The following LRIT3 variants were observed in gnomAD, a reference collection of about 807,000 sequenced individuals.
LRIT3 encodes leucine rich repeat, Ig-like and transmembrane domains 3, also known as leucine-rich repeat, immunoglobulin-like domain and transmembrane domain-containing protein 3.
In LRIT3, 14 loss-of-function variants were observed where a neutral mutation model predicts 22.6. The ratio of observed to expected loss-of-function variants is 0.62; its 90% confidence interval spans 0.41 to 0.97. The LOEUF is 0.97. Among genes scored for constraint, LRIT3 ranks in the 50% least tolerant of loss-of-function variants. The pLI is 0.00. For missense variants in LRIT3, 783 were observed against 803.0 expected, an observed-to-expected ratio of 0.98 and a Z score of 0.30; for synonymous variants, 306 against 304.5, an observed-to-expected ratio of 1.01 and a Z score of -0.05.
At chr4:109,850,469 T>TTTTTTCTTTCTTTCTTTCTA (rs1734217886) in intron 1 of LRIT3, among the ~76,000 whole-genome samples, 1 of 138,058 alleles carries the variant, frequency 7.2e-6, no homozygotes, top group Non-Finnish European at 1.5e-5. Flanking sequence ...CTTTCTTTCT[T>TTTTTTCTTTCTTTCTTTCTA]TCTTTCTTTC....
intron 2 of LRIT3, among the ~76,000 whole-genome samples, chr4:109,866,684 G>A (rs1324612103): frequency 6.6e-6 from 1 of 152,090 alleles, no homozygotes; most frequent in Non-Finnish European, 1.5e-5. Context: ...TGGACCACAG[G>A]TGACAGTGCT....
intron 3 of LRIT3, among the ~76,000 whole-genome samples, chr4:109,869,257 T>A (rs1734760420): frequency 6.6e-6 from 1 of 152,176 alleles, no homozygotes; most frequent in African/African-American, 2.4e-5. Context: ...TGACTTAAAA[T>A]TGAAAGGGAC....
intron 2 of LRIT3, chr4:109,865,344 C>G: frequency 1.3e-6 from 2 of 1,553,550 alleles, no homozygotes; most frequent in South Asian, 1.1e-5. Context: ...CTTCACATAT[C>G]AGGTCAACTA....
intron 2 of LRIT3, chr4:109,865,176 T>C (rs1734645904): frequency 2.7e-6 from 4 of 1,468,302 alleles, no homozygotes; most frequent in Non-Finnish European, 3.7e-6. Context: ...AACTCTCCCA[T>C]TTTGCCGATG....
chr4:109,856,477 C>A (rs1734405111), intron 2 of LRIT3, among the ~76,000 whole-genome samples: 1 of 152,074 alleles, frequency 6.6e-6, no homozygotes, highest in Admixed American at 6.6e-5. Flanking sequence ...ATTAGATAAC[C>A]CCTCAGAGAT....
chr4:109,859,574 G>T (rs1262562873), intron 2 of LRIT3, among the ~76,000 whole-genome samples: 2 of 152,156 alleles, frequency 1.3e-5, no homozygotes, highest in South Asian at 4.1e-4. Flanking sequence ...TCAGAAGGAA[G>T]TATGCCCTAA....
At chr4:109,855,123 A>G (rs1734370238) in intron 2 of LRIT3, among the ~76,000 whole-genome samples, 1 of 149,122 alleles carries the variant, frequency 6.7e-6, no homozygotes, top group African/African-American at 2.4e-5. Flanking sequence ...CTTTCTTTGT[A>G]CCTCTGGTAC....
intron 2 of LRIT3, among the ~76,000 whole-genome samples, chr4:109,853,291 T>C (rs144998365): frequency 3.3e-5 from 5 of 152,266 alleles, no homozygotes; most frequent in African/African-American, 1.2e-4. Flanking sequence ...GGCATGAGAT[T>C]ACATCTCATT....
Position 109,869,905 on chromosome 4 carries a change from C to A in LRIT3, c.1156C>A (p.Leu386Ile). Residue 386 changes from leucine (L) to isoleucine (I), a missense_variant, in exon 4 of 4, where the codon CTT (leucine) becomes ATT (isoleucine). Physicochemically the swap from Leu to Ile is conservative, Grantham distance 5. Around this residue, in one of 2 missense-constraint regions of LRIT3, gnomAD observed 756 missense variants for 753.8 expected, o/e 1.00. Transcript: ENST00000594814. ...STSVSSASSY[L>I]WSSSFSPTSS... is the part of the protein sequence containing the mutation. ...ATCTGTATCTAGCGCATCATCATAT[C>A]TTTGGTCCTCTTCCTTCTCCCCCAC... 6.2e-7 allele frequency: 1 copy of A among 1,614,110 alleles called. No homozygotes were observed. The highest frequency in any genetic ancestry group is 8.5e-7 in the Non-Finnish European group (1 of 1,180,008).
chr4:109,852,572 T>C (rs1734299575), intron 2 of LRIT3, among the ~76,000 whole-genome samples: 1 of 152,220 alleles, frequency 6.6e-6, no homozygotes, highest in African/African-American at 2.4e-5. Flanking sequence ...TGGTCTTGTT[T>C]AGGTTCTATG....
intron 2 of LRIT3, among the ~76,000 whole-genome samples, chr4:109,857,321 CAG>C (rs1491535054): frequency 1.3e-5 from 2 of 149,482 alleles, no homozygotes; most frequent in Non-Finnish European, 3.0e-5. Context: ...ACATTAGCAA[CAG>C]GGGGGTATAA....
At chr4:109,859,690 A>G (rs138843173) in intron 2 of LRIT3, among the ~76,000 whole-genome samples, 6,605 of 152,270 alleles carry the variant, frequency 0.043, 488 homozygotes, top group African/African-American at 0.15. Flanking sequence ...CACAAGGGTC[A>G]CATTCCATTC....
chr4:109,854,737 T>C (rs1327427302), intron 2 of LRIT3, among the ~76,000 whole-genome samples: 1 of 152,222 alleles, frequency 6.6e-6, no homozygotes. Context: ...TATTTTGAGA[T>C]ACATTCCATC....
In LRIT3 at chr4:109,870,825, T is replaced by C. The variant is rs780174683; in HGVS notation, c.*36T>C. 7 of 1,538,534 alleles carry C rather than the reference T, an allele frequency of 4.5e-6. No individual in the cohort carries two copies. The highest frequency in any genetic ancestry group is 2.8e-5 in the African/African-American group (2 of 72,560). On this transcript the variant is annotated 3_prime_UTR_variant, in exon 4 of 4. Transcript: ENST00000594814. ...CTCAGGTGCATGTGAGCTACAAAAC[T>C]AGCATCTAAGGGTATAATTGACCCT...
chr4:109,862,056 C>T (rs192972030), intron 2 of LRIT3, among the ~76,000 whole-genome samples: 59 of 152,264 alleles, frequency 3.9e-4, no homozygotes, highest in Middle Eastern at 3.4e-3. Context: ...ATTAAAAAGA[C>T]GTTCCTTTCC....
At position 109,851,566 on chromosome 4, in the gene LRIT3, T is replaced by C. The variant is rs1374513047; in HGVS notation, c.179T>C (p.Val60Ala). 6.4e-7 allele frequency: 1 copy of C among 1,551,892 alleles called. No individual in the cohort carries two copies. Residue 60 changes from valine to alanine, a missense_variant, in exon 2 of 4, where the codon GTG becomes GCG. Physicochemically the swap from Val to Ala is moderately conservative, Grantham distance 64 (BLOSUM62 0). Transcript: ENST00000594814. ...CCTACGAACCTCCCCGTGGACACTG[T>C]GAAGCTTCGCATAGAGAAGACTGTC... ...ELPTNLPVDT[V>A]KLRIEKTVIR...
chr4:109,861,221 T>C (rs1033729279), intron 2 of LRIT3, among the ~76,000 whole-genome samples: 5 of 151,782 alleles, frequency 3.3e-5, no homozygotes, highest in African/African-American at 1.2e-4. Flanking sequence ...AATACAAAAA[T>C]TAGCCAGGTG....
chr4:109,851,514 T>C lies in LRIT3; in HGVS notation c.127T>C (p.Cys43Arg). The change falls in exon 2 of 4, where the codon TGT becomes CGT. Residue 43 changes from cysteine to arginine, a missense_variant. Physicochemically the swap from Cys to Arg is radical, Grantham distance 180 (BLOSUM62 -3). This residue lies in a region of LRIT3 where 27 missense variants were observed against 49.2 expected (regional missense o/e 0.55). Coordinates refer to ENST00000594814, the MANE Select transcript of LRIT3 (RefSeq NM_198506.5). ...ATGTTGTGACACTAGGTTGGTGCTATGTAATGACATGGATATGAACGAGCT... is the reference window on the plus strand; with the variant it reads ...ATGTTGTGACACTAGGTTGGTGCTACGTAATGACATGGATATGAACGAGCT... ...NDGSGSRLVL[C>R]NDMDMNELPT... 4 of 1,539,944 alleles carry C rather than the reference T, an allele frequency of 2.6e-6. No individual in the cohort carries two copies. The South Asian group carries it at 4.8e-5, about 19-fold the overall frequency.
Position 109,860,526 on chromosome 4 carries a change from C to T in LRIT3, c.590-7115C>T, listed in dbSNP as rs145846789. Among the ~76,000 whole-genome samples, 1,111 of 152,266 alleles carry T rather than the reference C, an allele frequency of 7.3e-3. 8 individuals are homozygous for T. Among genetic ancestry groups the T allele is most frequent in the Non-Finnish European group, 0.011 (782 of 68,028 alleles). On this transcript the variant is annotated intron_variant, in intron 2 of 3. Coordinates refer to ENST00000594814, the MANE Select transcript of LRIT3 (RefSeq NM_198506.5). Reference sequence around the variant, plus strand: ...TTACAGTTAATCTCCAAAGACATCACTCTTTACTTTTTAAAACCTTGTTTT... The same window carrying T: ...TTACAGTTAATCTCCAAAGACATCATTCTTTACTTTTTAAAACCTTGTTTT...
Sources: gnomAD v4.1 joint callset for allele counts (sites outside exome capture counted in the v4.1 genomes callset) on GRCh38, gnomAD v4.1.1 for gene constraint, gnomAD v4.1.1 regional missense constraint, MANE v1.5 for transcripts, NCBI Gene and HGNC (gene_info 2026-07-23, HGNC 2026-07-21) for gene names.